Variants in XRN1 observed in about 807,000 individuals in gnomAD.
XRN1 encodes the protein 5'-3' exoribonuclease 1, also known as strand-exchange protein 1 homolog.
In XRN1, 67 loss-of-function variants were observed where a neutral mutation model predicts 222.3. The ratio of observed to expected loss-of-function variants is 0.30; its 90% CI spans 0.25 to 0.37. The LOEUF (loss-of-function observed/expected upper bound fraction) is 0.37. Among genes scored for constraint, XRN1 ranks in the 10% least tolerant of loss-of-function variants. XRN1 has a pLI of 1.00. For missense variants in XRN1, 1,707 were observed against 2,000.2 expected (o/e 0.85, Z 2.80); for synonymous variants, 643 against 652.4 (o/e 0.99, Z 0.22).
chr3:142,328,682 C>T (rs1227804365), intron 37 of XRN1, among the ~76,000 whole-genome samples: 1 of 101,138 alleles, frequency 9.9e-6, no homozygotes, highest in East Asian at 3.4e-4. Flanking sequence ...GATTAATAAA[C>T]ATATAGGTTT....
chr3:142,336,564 G>T (rs1186136782), intron 33 of XRN1, among the ~76,000 whole-genome samples: 1 of 151,474 alleles, frequency 6.6e-6, no homozygotes, highest in Non-Finnish European at 1.5e-5. Context: ...AGAGACAGGG[G>T]AAGGAAGGAC....
chr3:142,400,405 AAT>A, intron 19 of XRN1, 37 bp downstream of exon 19: 2 of 1,513,848 alleles, frequency 1.3e-6, no homozygotes, highest in Non-Finnish European at 1.8e-6. Context: ...TCACAAAGCA[AAT>A]ATATGTTAGA....
intron 2 of XRN1, among the ~76,000 whole-genome samples, chr3:142,431,842 A>T (rs1214864932): frequency 3.8e-5 from 3 of 78,932 alleles, no homozygotes; most frequent in South Asian, 2.9e-4. Context: ...ATATAATATT[A>T]AAAAATATAT....
intron 32 of XRN1, among the ~76,000 whole-genome samples, chr3:142,353,480 A>T (rs1240328833): frequency 1.3e-5 from 2 of 152,200 alleles, no homozygotes; most frequent in African/African-American, 2.4e-5. Context: ...TGGTACAAAA[A>T]CAGACACAAA....
intron 34 of XRN1, 21 bp downstream of exon 34, chr3:142,335,427 T>G (rs1392813984): frequency 6.2e-7 from 1 of 1,612,102 alleles, no homozygotes; most frequent in South Asian, 1.1e-5. Flanking sequence ...TAACTAGAAA[T>G]TTGATTTTAA....
chr3:142,313,212 C>T (rs1169064119), intron 39 of XRN1: 1 of 1,595,598 alleles, frequency 6.3e-7, no homozygotes, highest in Non-Finnish European at 8.5e-7. Context: ...CCTGAAATCT[C>T]ATCACCTTCA....
Position 142,329,527 on chromosome 3 carries a change from G to C in XRN1, c.4311C>G (p.Ile1437Met). ...DNMCWPAPSQ[I>M]PPVSTPVTEL... ...CAGTTACTGGTGTGGATACAGGAGG[G>C]ATCTGGCTGGGGGCAGGCCAACACA... The change falls in exon 37 of 41, where the codon ATC becomes ATG. Residue 1437 changes from isoleucine (I) to methionine (M), a missense_variant. Coordinates refer to ENST00000392981, the MANE Select transcript of XRN1 (RefSeq NM_001282857.2). 16 of 1,601,178 alleles carry C rather than the reference G, an allele frequency of 1.0e-5. No individual in the cohort carries two copies. The highest frequency in any genetic ancestry group is 1.2e-5 in the Non-Finnish European group (14 of 1,175,510).
intron 30 of XRN1, among the ~76,000 whole-genome samples, chr3:142,358,604 A>C (rs1462983521): frequency 6.6e-6 from 1 of 152,146 alleles, no homozygotes; most frequent in Non-Finnish European, 1.5e-5. Flanking sequence ...AGAGGGGGGA[A>C]AAAACCACAA....
intron 33 of XRN1, among the ~76,000 whole-genome samples, chr3:142,340,364 CCA>C (rs1171143061): frequency 6.6e-6 from 1 of 151,170 alleles, no homozygotes; most frequent in Admixed American, 6.6e-5. Context: ...TCAAAAACAA[CCA>C]CACACACAGA....
At chr3:142,414,366 C>A in intron 13 of XRN1, 75 bp from the exon 14 acceptor site, 1 of 1,104,320 alleles carries the variant, frequency 9.1e-7, no homozygotes, top group Non-Finnish European at 1.2e-6. Flanking sequence ...TACTTTTCCC[C>A]ATATTTTAAC....
chr3:142,427,215 C>G (rs1475043493), intron 2 of XRN1, among the ~76,000 whole-genome samples: 1 of 152,068 alleles, frequency 6.6e-6, no homozygotes, highest in Admixed American at 6.6e-5. Context: ...TGCCTATAGT[C>G]TCAGCTAGTT....
chr3:142,349,068 T>G (rs938469730), intron 32 of XRN1, among the ~76,000 whole-genome samples: 2 of 152,140 alleles, frequency 1.3e-5, no homozygotes, highest in Admixed American at 6.5e-5. Context: ...TCCTCCTGCC[T>G]CAGTCTCCCG....
At chr3:142,327,650 C>G (rs986431445) in intron 37 of XRN1, among the ~76,000 whole-genome samples, 1 of 151,532 alleles carries the variant, frequency 6.6e-6, no homozygotes, top group African/African-American at 2.4e-5. Context: ...GTTTGGTTTC[C>G]TCTTGCTTTT....
At chr3:142,414,702 A>G (rs2068718681) in intron 13 of XRN1, among the ~76,000 whole-genome samples, 2 of 151,968 alleles carry the variant, frequency 1.3e-5, no homozygotes, top group Admixed American at 1.3e-4. Flanking sequence ...TCACCTTGTT[A>G]GCCAGGATGG....
chr3:142,420,253 C>T (rs2068956723), intron 10 of XRN1: 1 of 152,152 alleles, frequency 6.6e-6, no homozygotes, highest in Admixed American at 6.5e-5. Context: ...TCACGCAGTT[C>T]AGTTTCCCAC....
In XRN1 at chr3:142,413,672, T is replaced by A. The variant is rs371661511; in HGVS notation, c.1593+463A>T. Among the ~76,000 whole-genome samples, 3 of 152,340 alleles carry A rather than the reference T, an allele frequency of 2.0e-5. No individual in the cohort carries two copies. The East Asian group carries it at 5.8e-4, about 29-fold the overall frequency. ...GAAATATGTTAACCAAAGAAAGCTTTTTATTTCACAAATTGATAAATAAAA... is the reference window on the plus strand; with the variant it reads ...GAAATATGTTAACCAAAGAAAGCTTATTATTTCACAAATTGATAAATAAAA... On this transcript the variant is annotated intron_variant, in intron 14 of 40. Coordinates refer to ENST00000392981, the MANE Select transcript of XRN1 (RefSeq NM_001282857.2).
intron 15 of XRN1, among the ~76,000 whole-genome samples, chr3:142,412,291 CTG>C (rs763917399): frequency 2.8e-4 from 42 of 152,124 alleles, no homozygotes; most frequent in Non-Finnish European, 4.7e-4. Flanking sequence ...ACTCTTTTAT[CTG>C]TATAAAATAT....
intron 40 of XRN1, 83 bp downstream of exon 40, chr3:142,312,515 T>C (rs550657287): frequency 7.3e-7 from 1 of 1,376,060 alleles, no homozygotes; most frequent in East Asian, 2.5e-5. Flanking sequence ...TGGCACTGAA[T>C]AAGTAAACTG....
intron 15 of XRN1, among the ~76,000 whole-genome samples, chr3:142,409,347 G>GT (rs1456245994): frequency 1.3e-5 from 2 of 152,174 alleles, no homozygotes; most frequent in African/African-American, 4.8e-5. Flanking sequence ...TAAGTTTTGT[G>GT]TATGGTGTGA....
Sources: allele counts gnomAD v4.1 joint callset (sites outside exome capture counted in the v4.1 genomes callset), GRCh38; gene constraint gnomAD v4.1.1; transcripts MANE v1.5; gene names NCBI Gene and HGNC (gene_info 2026-07-23, HGNC 2026-07-21).